The following CRACDL variants were observed in gnomAD, a reference collection of about 807,000 sequenced individuals.
CRACDL encodes CRACD-like protein.
In CRACDL, 26 loss-of-function variants were observed where a neutral mutation model predicts 70.6. That is an observed-to-expected ratio of 0.37 (90% CI 0.27 to 0.51). The LOEUF (loss-of-function observed/expected upper bound fraction) is 0.51. Ranked by LOEUF, CRACDL falls within the 20% of genes least tolerant of loss-of-function variation. The pLI is 0.94. For missense variants in CRACDL, 1,283 were observed against 1,376.9 expected, an observed-to-expected ratio of 0.93 and a Z score of 1.08; for synonymous variants, 618 against 615.2, an observed-to-expected ratio of 1.00 and a Z score of -0.07.
rs557137962 is a variant in CRACDL at position 98,849,120 on chromosome 2, A to C, written c.-10-2310T>G. ...GCTCAAGAGAAGCTGGAGAATCCAAAGGACAGGATCTCCCACTGAAATGGC... is the reference window on the plus strand; with the variant it reads ...GCTCAAGAGAAGCTGGAGAATCCAACGGACAGGATCTCCCACTGAAATGGC... On this transcript the variant is annotated intron_variant, in intron 1 of 9. Coordinates refer to ENST00000397899, the MANE Select transcript of CRACDL (RefSeq NM_207362.3). Among the ~76,000 whole-genome samples the C allele has an allele frequency of 1.2e-3, 186 of 152,332 alleles. 2 individuals carry two copies. The highest frequency in any genetic ancestry group is 2.1e-3 in the Non-Finnish European group (146 of 68,034).
intron 7 of CRACDL, among the ~76,000 whole-genome samples, chr2:98,819,917 T>G (rs1465953864): frequency 6.7e-6 from 1 of 148,270 alleles, no homozygotes; most frequent in Non-Finnish European, 1.5e-5. Flanking sequence ...CCTCCTGGGT[T>G]CAAGCGATTC....
At position 98,897,271 on chromosome 2, in the gene CRACDL, T is replaced by C. The variant is rs187427580; in HGVS notation, c.-11+38667A>G. On this transcript the variant is annotated intron_variant, in intron 1 of 9. Coordinates refer to ENST00000397899, the MANE Select transcript of CRACDL (RefSeq NM_207362.3). ...TGATGCTTTTGAGCTTCATCCAAGCTGTTGCATGTACCGGTGGTTTGTTCC... is the reference window on the plus strand; with the variant it reads ...TGATGCTTTTGAGCTTCATCCAAGCCGTTGCATGTACCGGTGGTTTGTTCC... 3 of 565,426 alleles carry C rather than the reference T, an allele frequency of 5.3e-6. No homozygotes were observed. The East Asian group carries it at 2.1e-4, about 39-fold the overall frequency. 35.0% of individuals were successfully genotyped at this position (565,426 alleles called of 1,614,324 possible). A position where few individuals can be genotyped will look rare whatever the true frequency, so the allele number is the denominator to read the frequency against.
At position 98,846,732 on chromosome 2, in the gene CRACDL, T is replaced by G; in HGVS notation, c.69A>C (p.Thr23=). 1 of 1,613,794 alleles carries G rather than the reference T, an allele frequency of 6.2e-7. No homozygotes were observed. Among genetic ancestry groups the G allele is most frequent in the Non-Finnish European group, 8.5e-7 (1 of 1,179,622 alleles). Residue 23 remains threonine, a splice_region_variant and synonymous_variant, in exon 2 of 10, where the codon ACA becomes ACC. Coordinates refer to ENST00000397899, the MANE Select transcript of CRACDL (RefSeq NM_207362.3). ...EAAEGLGEDS[T]GKKKSKFKTF... ...AGAGCAGGGGAAGCAGGGCCTTACC[T>G]GTGCTGTCCTCCCCAAGGCCTTCTG...
At chr2:98,885,014 T>C (rs941654420) in intron 1 of CRACDL, among the ~76,000 whole-genome samples, 2 of 152,074 alleles carry the variant, frequency 1.3e-5, no homozygotes, top group Non-Finnish European at 2.9e-5. Flanking sequence ...GACCACTGAG[T>C]CAGCTTCAGC....
intron 7 of CRACDL, among the ~76,000 whole-genome samples, chr2:98,817,829 G>T (rs1401298472): frequency 6.6e-6 from 1 of 152,158 alleles, no homozygotes; most frequent in Admixed American, 6.5e-5. Flanking sequence ...GCCAATGCTG[G>T]TTATCAAATG....
In CRACDL at chr2:98,927,011, T is replaced by C. The variant is rs555364438; in HGVS notation, c.-11+8927A>G. Among the ~76,000 whole-genome samples the C allele has an allele frequency of 4.6e-5, 7 of 152,318 alleles. No individual in the cohort carries two copies. The South Asian group carries it at 1.4e-3, about 32-fold the overall frequency. On this transcript the variant is annotated intron_variant, in intron 1 of 9. Transcript: ENST00000397899. The stretch of plus-strand genomic sequence containing the variant: ...ATGCAAGGTAAATCTGCAGGAACTA[T>C]TTGTGTGTGGCTTCCCCTCATTTCT...
chr2:98,856,983 C>G (rs1420178891), intron 1 of CRACDL, among the ~76,000 whole-genome samples: 1 of 152,216 alleles, frequency 6.6e-6, no homozygotes, highest in Non-Finnish European at 1.5e-5. Context: ...TGTTACTTAT[C>G]TCTCCACCTG....
intron 1 of CRACDL, chr2:98,897,318 C>T (rs368023526): frequency 3.0e-5 from 35 of 1,165,370 alleles, no homozygotes; most frequent in Non-Finnish European, 3.6e-5. Context: ...TGGTATTAAA[C>T]GTGAAGGCAC....
At position 98,870,977 on chromosome 2, in the gene CRACDL, C is replaced by T. The variant is rs59365702; in HGVS notation, c.-10-24167G>A. Reference sequence around the variant, plus strand: ...ACATCGTGTGAATGCCCAGGGACCGCGAGATTCGCGAAGAGCAGGGGTAGC... The same window carrying T: ...ACATCGTGTGAATGCCCAGGGACCGTGAGATTCGCGAAGAGCAGGGGTAGC... On this transcript the variant is annotated intron_variant, in intron 1 of 9. Transcript: ENST00000397899. Among the ~76,000 whole-genome samples the T allele has an allele frequency of 3.3e-3, 500 of 152,334 alleles. 2 individuals carry two copies. Among genetic ancestry groups the T allele is most frequent in the African/African-American group, 0.011 (468 of 41,572 alleles).
rs772475114 is a variant in CRACDL at position 98,821,888 on chromosome 2, C to T, written c.2385G>A (p.Thr795=). ...GEREPRKEPR[T]AEKRPLRRGA... ...CCCTGCGCAGCGGCCTTTTCTCCGC[C>T]GTCCTGGGCTCCTTCCTGGGTTCCC... Residue 795 remains threonine (T), a synonymous_variant, in exon 7 of 10, where the codon ACG becomes ACA. Transcript: ENST00000397899. The T allele has an allele frequency of 8.7e-6, 14 of 1,604,280 alleles. No homozygotes were observed. The highest frequency in any genetic ancestry group is 3.5e-5 in the Admixed American group (2 of 57,736).
intron 2 of CRACDL, among the ~76,000 whole-genome samples, chr2:98,843,087 C>T (rs762695385): frequency 2.6e-5 from 4 of 152,062 alleles, no homozygotes; most frequent in Admixed American, 6.5e-5. Flanking sequence ...TTTCTCCAGA[C>T]GTTTAATACG....
At chr2:98,812,798 C>A (rs2104440793) in intron 7 of CRACDL, among the ~76,000 whole-genome samples, 1 of 150,940 alleles carries the variant, frequency 6.6e-6, no homozygotes, top group East Asian at 1.9e-4. Context: ...CCTATCTTTT[C>A]TTGCAGTTTG....
chr2:98,921,072 A>C (rs1708789761), intron 1 of CRACDL, among the ~76,000 whole-genome samples: 1 of 152,138 alleles, frequency 6.6e-6, no homozygotes, highest in South Asian at 2.1e-4. Flanking sequence ...CCTTCTCAAC[A>C]AGGTCCCAGA....
chr2:98,816,887 G>A (rs1399832845), intron 7 of CRACDL, among the ~76,000 whole-genome samples: 1 of 152,196 alleles, frequency 6.6e-6, no homozygotes, highest in Non-Finnish European at 1.5e-5. Context: ...CGGAATCTCA[G>A]AGATATTAAC....
At chr2:98,906,146 A>T (rs574185232) in intron 1 of CRACDL, among the ~76,000 whole-genome samples, 1 of 151,240 alleles carries the variant, frequency 6.6e-6, no homozygotes, top group South Asian at 2.1e-4. Context: ...TCACTCTGTG[A>T]CTCAGTTTGA....
Position 98,819,815 on chromosome 2 carries a change from CTTTTTTTTT to C in CRACDL, c.2416+2033_2416+2041del, listed in dbSNP as rs34640405. Among the ~76,000 whole-genome samples the C allele has an allele frequency of 1.0e-4, 10 of 99,030 alleles. No individual in the cohort carries two copies. The East Asian group carries it at 1.7e-3, about 17-fold the overall frequency. The allele number at this position is 99,030 out of a possible 152,430, so 65.0% of individuals were successfully genotyped here. A position where few individuals can be genotyped will look rare whatever the true frequency, so the allele number is the denominator to read the frequency against. The stretch of plus-strand genomic sequence containing the variant: ...CACTGCTTGAGTAGCCTGAAACATT[CTTTTTTTTT>C]TTTTTTTTTTTTTGAGATGGAGTCT... On this transcript the variant is annotated intron_variant, in intron 7 of 9. Transcript: ENST00000397899.
At chr2:98,799,984 T>C (rs1704005116) in intron 7 of CRACDL, among the ~76,000 whole-genome samples, 1 of 152,188 alleles carries the variant, frequency 6.6e-6, no homozygotes, top group African/African-American at 2.4e-5. Context: ...CATTCTCTCT[T>C]CTACTCCTGA....
chr2:98,917,591 G>C (rs1708697740), intron 1 of CRACDL, among the ~76,000 whole-genome samples: 1 of 152,220 alleles, frequency 6.6e-6, no homozygotes. Flanking sequence ...ATTAATGTAA[G>C]ATTGACTTTC....
intron 7 of CRACDL, among the ~76,000 whole-genome samples, chr2:98,814,614 C>T (rs961260285): frequency 6.6e-6 from 1 of 152,140 alleles, no homozygotes; most frequent in African/African-American, 2.4e-5. Flanking sequence ...CCCATGTGCA[C>T]TTGAAAAGAA....
Sources: gnomAD v4.1 joint callset for allele counts (sites outside exome capture counted in the v4.1 genomes callset) on GRCh38, gnomAD v4.1.1 for gene constraint, MANE v1.5 for transcripts, NCBI Gene and HGNC (gene_info 2026-07-23, HGNC 2026-07-21) for gene names.